Variants in FNBP4 observed in about 807,000 individuals in gnomAD.
FNBP4 encodes formin-binding protein 4.
A neutral mutation model predicts 119.3 loss-of-function variants in FNBP4; 34 were observed. That is an observed-to-expected ratio of 0.28 (90% CI 0.22 to 0.38). FNBP4 has a LOEUF of 0.38. Among genes scored for constraint, FNBP4 ranks in the 10% least tolerant of loss-of-function variants. The probability of loss-of-function intolerance (pLI) is 1.00; values close to 1 mark genes in which losing one functional copy is unlikely to be tolerated. For synonymous variants in FNBP4, 462 were observed against 430.6 expected, an observed-to-expected ratio of 1.07 and a Z score of -0.90; for missense variants, 1,112 against 1,228.9, an observed-to-expected ratio of 0.90 and a Z score of 1.42.
chr11:47,759,012 G>A (rs959928842), intron 2 of FNBP4, among the ~76,000 whole-genome samples: 9 of 148,208 alleles, frequency 6.1e-5, no homozygotes, highest in African/African-American at 1.0e-4. Context: ...TCCGCCTCCC[G>A]GGTTCAGGTG....
intron 7 of FNBP4, among the ~76,000 whole-genome samples, chr11:47,744,699 C>T (rs1268719626): frequency 6.6e-6 from 1 of 152,126 alleles, no homozygotes; most frequent in Non-Finnish European, 1.5e-5. Flanking sequence ...AATGGGATAA[C>T]CATCCCCTCA....
chr11:47,767,316 T>C lies in FNBP4; in HGVS notation c.-28A>G. 6.9e-7 allele frequency: 1 copy of C among 1,456,330 alleles called. No individual in the cohort carries two copies. Among genetic ancestry groups the C allele is most frequent in the Non-Finnish European group, 9.0e-7 (1 of 1,110,762 alleles). 90.2% of individuals were successfully genotyped at this position (1,456,330 alleles called of 1,614,324 possible). A position where few individuals can be genotyped will look rare whatever the true frequency, so the allele number is the denominator to read the frequency against. On this transcript the variant is annotated 5_prime_UTR_variant, in exon 1 of 17. Transcript: ENST00000263773. ...CGAGCCCAAGCGCGAGCAGAGAGCGTCGGGCGGCCGAGAGGGGCGGGCACT... is the reference window on the plus strand; with the variant it reads ...CGAGCCCAAGCGCGAGCAGAGAGCGCCGGGCGGCCGAGAGGGGCGGGCACT...
rs576700842 is a variant in FNBP4 at position 47,739,347 on chromosome 11, C to T, written c.1457-2607G>A. On this transcript the variant is annotated intron_variant, in intron 8 of 16. Coordinates refer to ENST00000263773, the MANE Select transcript of FNBP4 (RefSeq NM_015308.5). ...TCTGAAACAAAATCTTCCCACTAAT[C>T]CCATTTATTAATTTTTAATGCCATT... 2.0e-4 allele frequency among the ~76,000 whole-genome samples: 31 copies of T among 152,202 alleles called. No homozygotes were observed. In the South Asian group the frequency reaches 3.1e-3, roughly 15 times the overall value.
chr11:47,750,302 A>T (rs2097599441), intron 6 of FNBP4, among the ~76,000 whole-genome samples: 1 of 141,098 alleles, frequency 7.1e-6, no homozygotes, highest in Non-Finnish European at 1.5e-5. Flanking sequence ...TCACTTCTTG[A>T]GCCTGGGAGG....
At position 47,767,065 on chromosome 11, in the gene FNBP4, T is replaced by A; in HGVS notation, c.220+4A>T. 1 of 1,526,726 alleles carries A rather than the reference T, an allele frequency of 6.5e-7. No homozygotes were observed. Among genetic ancestry groups the A allele is most frequent in the Non-Finnish European group, 8.7e-7 (1 of 1,143,544 alleles). 94.6% of individuals were successfully genotyped at this position (1,526,726 alleles called of 1,614,324 possible). A position where few individuals can be genotyped will look rare whatever the true frequency, so the allele number is the denominator to read the frequency against. On this transcript the variant is annotated splice_donor_region_variant and intron_variant, in intron 1 of 16. Transcript: ENST00000263773. ...CGAGTTCAGGTCCCCCCGCGCACCC[T>A]TGCCTTCTGAAGGCGAGTCGTCCGA...
chr11:47,760,476 G>T (rs2097631601), intron 2 of FNBP4, among the ~76,000 whole-genome samples: 1 of 150,058 alleles, frequency 6.7e-6, no homozygotes, highest in Admixed American at 6.7e-5. Context: ...CTGTCACCCA[G>T]GCTGGAGCGC....
chr11:47,765,673 C>T (rs1599279408), intron 1 of FNBP4, among the ~76,000 whole-genome samples: 1 of 143,668 alleles, frequency 7.0e-6, no homozygotes, highest in Non-Finnish European at 1.5e-5. Flanking sequence ...AATTGCTAGG[C>T]ATGATGGCAC....
intron 6 of FNBP4, among the ~76,000 whole-genome samples, chr11:47,747,442 A>C (rs989485064): frequency 3.3e-5 from 5 of 151,958 alleles, no homozygotes; most frequent in Non-Finnish European, 2.9e-5. Context: ...TCCTGACCTC[A>C]GGTGATCCGC....
chr11:47,734,088 G>A lies in FNBP4; in HGVS notation c.1623C>T (p.Phe541=), dbSNP rs199684795. 28 of 1,595,514 alleles carry A rather than the reference G, an allele frequency of 1.8e-5. No individual in the cohort carries two copies. The East Asian group carries it at 1.8e-4, about 10-fold the overall frequency. The part of the protein sequence containing the change: ...GELANTLTSK[F]EFLGINRQSI... Reference sequence around the variant, plus strand: ...ATTGTCTATTAATGCCTAGAAACTCGAATTTACTTGTCAGGGTATTTGCCA... The same window carrying A: ...ATTGTCTATTAATGCCTAGAAACTCAAATTTACTTGTCAGGGTATTTGCCA... Residue 541 remains phenylalanine, a synonymous_variant, in exon 10 of 17, where the codon TTC becomes TTT. Transcript: ENST00000263773.
chr11:47,756,905 T>C (rs575309811), intron 2 of FNBP4, among the ~76,000 whole-genome samples: 8 of 152,318 alleles, frequency 5.3e-5, no homozygotes, highest in Admixed American at 1.3e-4. Flanking sequence ...TAGTATTCTA[T>C]GGTGTATATG....
Position 47,717,819 on chromosome 11 carries a change from G to A in FNBP4, c.2964-307C>T, listed in dbSNP as rs904977712. 8.5e-5 allele frequency among the ~76,000 whole-genome samples: 13 copies of A among 152,096 alleles called. No individual in the cohort carries two copies. In the East Asian group the frequency reaches 1.9e-3, roughly 23 times the overall value. On this transcript the variant is annotated intron_variant, in intron 16 of 16. Transcript: ENST00000263773. ...TCTGGAGTGCAATGGTGCGATCTCG[G>A]CTCACCGCAACCTCCGCCTCCCAGG... is the stretch of plus-strand genomic sequence containing the variant.
At chr11:47,731,717 G>A in intron 11 of FNBP4, 156 bp from the exon 12 acceptor site, 1 of 1,393,090 alleles carries the variant, frequency 7.2e-7, no homozygotes. Context: ...TGACAATTGA[G>A]AATGGAGAAC....
At chr11:47,721,279 T>A (rs1289457736) in intron 15 of FNBP4, among the ~76,000 whole-genome samples, 3 of 149,804 alleles carry the variant, frequency 2.0e-5, no homozygotes, top group African/African-American at 7.4e-5. Flanking sequence ...TAAATAAAAA[T>A]AAATAAATAA....
At chr11:47,737,989 C>T (rs57436966) in intron 8 of FNBP4, among the ~76,000 whole-genome samples, 30,527 of 151,970 alleles carry the variant, frequency 0.2, 3,504 homozygotes, top group East Asian at 0.3. Flanking sequence ...GTGATCCGCC[C>T]GGCTAGGCCT....
At chr11:47,754,426 AAGG>A in intron 3 of FNBP4, 99 bp downstream of exon 3, 2 of 1,084,220 alleles carry the variant, frequency 1.8e-6, no homozygotes, top group Non-Finnish European at 2.7e-6. Context: ...GAGAGGGAGA[AAGG>A]AGGAGGAAGA....
At chr11:47,748,163 CG>C (rs899857765) in intron 6 of FNBP4, among the ~76,000 whole-genome samples, 71 of 150,446 alleles carry the variant, frequency 4.7e-4, no homozygotes, top group African/African-American at 1.7e-3. Context: ...CGCTTGAACC[CG>C]GGGGGTGGAG....
At chr11:47,763,322 G>A (rs949270800) in intron 2 of FNBP4, among the ~76,000 whole-genome samples, 1 of 150,962 alleles carries the variant, frequency 6.6e-6, no homozygotes, top group Non-Finnish European at 1.5e-5. Context: ...AAATTAGCCG[G>A]TAATCCCAGC....
At chr11:47,718,613 T>C (rs1372404776) in intron 16 of FNBP4, among the ~76,000 whole-genome samples, 1 of 152,192 alleles carries the variant, frequency 6.6e-6, no homozygotes, top group Non-Finnish European at 1.5e-5. Context: ...TTAGAACCTT[T>C]AATAAAAACT....
rs772666667 is a variant in FNBP4, at chr11:47,723,100, C to T, written c.2681G>A (p.Arg894Gln). The T allele has an allele frequency of 5.6e-5, 90 of 1,613,462 alleles. No homozygotes were observed. The highest frequency in any genetic ancestry group is 1.6e-4 in the Middle Eastern group (1 of 6,068). ...AATGGTAGCGGTAGGCACAGCACCTCGGGCCTGAACTGGCTGCAATGAGGG... is the reference window on the plus strand; with the variant it reads ...AATGGTAGCGGTAGGCACAGCACCTTGGGCCTGAACTGGCTGCAATGAGGG... ...TAPSLQPVQA[R>Q]GAVPTATIIE... The change falls in exon 15 of 17, where the codon CGA (arginine) becomes CAA (glutamine). Residue 894 changes from arginine (R) to glutamine (Q), a missense_variant. Coordinates refer to ENST00000263773, the MANE Select transcript of FNBP4 (RefSeq NM_015308.5).
Sources: gnomAD v4.1 joint callset for allele counts (sites outside exome capture counted in the v4.1 genomes callset) on GRCh38, gnomAD v4.1.1 for gene constraint, MANE v1.5 for transcripts, NCBI Gene and HGNC (gene_info 2026-07-23, HGNC 2026-07-21) for gene names.